Variants in ARL15 observed in about 807,000 individuals in gnomAD.
ARL15 encodes ADP-ribosylation factor-like protein 15.
Under a neutral mutation model 25.2 loss-of-function variants are expected in ARL15, and 19 were observed. The ratio of observed to expected loss-of-function variants is 0.75; its 90% CI spans 0.53 to 1.10. The LOEUF is 1.10. ARL15 is among the 50% of genes least tolerant of loss of function. The probability of loss-of-function intolerance (pLI) is 0.00; values close to 1 mark genes in which losing one functional copy is unlikely to be tolerated. For missense variants in ARL15, 220 were observed against 246.0 expected (o/e 0.89, Z 0.71); for synonymous variants, 94 against 86.8 (o/e 1.08, Z -0.46).
At chr5:54,089,139 C>T (rs1213508333) in intron 4 of ARL15, among the ~76,000 whole-genome samples, 1 of 152,176 alleles carries the variant, frequency 6.6e-6, no homozygotes, top group Non-Finnish European at 1.5e-5. Context: ...GCACCCCCCG[C>T]CTCAGGAAGC....
At chr5:54,073,579 A>G (rs1396877079) in intron 4 of ARL15, among the ~76,000 whole-genome samples, 1 of 152,216 alleles carries the variant, frequency 6.6e-6, no homozygotes, top group Non-Finnish European at 1.5e-5. Context: ...AAACAATATA[A>G]CACTCTGGGG....
intron 4 of ARL15, among the ~76,000 whole-genome samples, chr5:54,039,082 G>C (rs1379822942): frequency 6.6e-6 from 1 of 152,166 alleles, no homozygotes; most frequent in Non-Finnish European, 1.5e-5. Context: ...CAGCAATCAT[G>C]GTGACAGGGA....
intron 1 of ARL15, among the ~76,000 whole-genome samples, chr5:54,216,417 T>C (rs1003253584): frequency 7.2e-5 from 11 of 152,194 alleles, no homozygotes; most frequent in Admixed American, 3.3e-4. Flanking sequence ...CTGGCTTATA[T>C]TGTCTATCAG....
rs1325550885 is a variant in ARL15 at position 53,886,669 on chromosome 5, G to T, written c.507C>A (p.Arg169=). 11 of 1,575,818 alleles carry T rather than the reference G, an allele frequency of 7.0e-6. No homozygotes were observed. Among genetic ancestry groups the T allele is most frequent in the Non-Finnish European group, 8.6e-6 (10 of 1,159,594 alleles). ...FELEPLARGK[R]WILQPCSLDD... ...CCAGTGAGCAGGGCTGTAGAATCCA[G>T]CGTTTTCCACGTGCAAGTGGTTCAA... Residue 169 remains arginine, a synonymous_variant, in exon 5 of 5, where the codon CGC becomes CGA. Transcript: ENST00000504924.
At chr5:54,305,237 C>A (rs1353817586) in intron 1 of ARL15, among the ~76,000 whole-genome samples, 1 of 152,184 alleles carries the variant, frequency 6.6e-6, no homozygotes, top group Non-Finnish European at 1.5e-5. Flanking sequence ...CGGTGGCTCA[C>A]TCCTGTAATC....
At chr5:54,154,409 A>G in intron 3 of ARL15, 171 bp downstream of exon 3, 1 of 533,182 alleles carries the variant, frequency 1.9e-6, no homozygotes, top group Admixed American at 4.4e-5. Flanking sequence ...ACTCTTCAAC[A>G]ATTTTTAAAA....
intron 4 of ARL15, among the ~76,000 whole-genome samples, chr5:53,895,100 A>G (rs1744831661): frequency 1.3e-5 from 2 of 152,180 alleles, no homozygotes; most frequent in South Asian, 2.1e-4. Context: ...TATAGAAAAT[A>G]AAAAGTCAAC....
At chr5:54,137,281 C>T (rs1021975567) in intron 3 of ARL15, among the ~76,000 whole-genome samples, 4 of 152,158 alleles carry the variant, frequency 2.6e-5, no homozygotes, top group African/African-American at 9.6e-5. Flanking sequence ...CCCCTTGTGT[C>T]CTCCTCTGGT....
At chr5:53,892,037 C>G (rs1744731078) in intron 4 of ARL15, among the ~76,000 whole-genome samples, 1 of 152,150 alleles carries the variant, frequency 6.6e-6, no homozygotes, top group East Asian at 1.9e-4. Context: ...CCATAAAAGA[C>G]CGTTTAATAC....
At chr5:53,923,140 T>C (rs1406096313) in intron 4 of ARL15, among the ~76,000 whole-genome samples, 1 of 152,230 alleles carries the variant, frequency 6.6e-6, no homozygotes. Flanking sequence ...TTTTGGAGAA[T>C]GACTGCCTCT....
chr5:54,017,397 G>A (rs1406200723), intron 4 of ARL15, among the ~76,000 whole-genome samples: 1 of 152,026 alleles, frequency 6.6e-6, no homozygotes, highest in Non-Finnish European at 1.5e-5. Flanking sequence ...CATTGACACA[G>A]AGCTGTCTCA....
chr5:54,049,979 T>C (rs73112664), intron 4 of ARL15, among the ~76,000 whole-genome samples: 1,602 of 152,304 alleles, frequency 0.011, 32 homozygotes, highest in African/African-American at 0.036. Context: ...AGATCATTTA[T>C]TGGTGTGTTC....
chr5:54,000,425 T>C (rs936107848), intron 4 of ARL15, among the ~76,000 whole-genome samples: 21 of 152,088 alleles, frequency 1.4e-4, no homozygotes, highest in Non-Finnish European at 2.8e-4. Context: ...GAATAATCAG[T>C]GAAATTATAC....
At chr5:54,003,667 TCTATCTATCTA>T (rs1748921690) in intron 4 of ARL15, among the ~76,000 whole-genome samples, 5 of 5,848 alleles carry the variant, frequency 8.5e-4, no homozygotes, top group African/African-American at 5.7e-3. Flanking sequence ...TTTCTTTCTA[TCTATCTATCTA>T]TCTATCTATC....
At chr5:54,195,408 C>T (rs1481683033) in intron 1 of ARL15, among the ~76,000 whole-genome samples, 2 of 152,104 alleles carry the variant, frequency 1.3e-5, no homozygotes, top group Admixed American at 1.3e-4. Context: ...GCTACTACAA[C>T]AACTGAAGGC....
intron 1 of ARL15, among the ~76,000 whole-genome samples, chr5:54,221,837 A>G (rs1044744502): frequency 1.6e-4 from 21 of 135,386 alleles, no homozygotes; most frequent in African/African-American, 7.1e-4. Flanking sequence ...ACACACACAC[A>G]CACACACACA....
intron 4 of ARL15, among the ~76,000 whole-genome samples, chr5:54,051,142 A>G (rs1579740410): frequency 6.6e-6 from 1 of 152,332 alleles, no homozygotes; most frequent in Non-Finnish European, 1.5e-5. Context: ...ACATTTATTG[A>G]GCATCTCCTT....
intron 4 of ARL15, among the ~76,000 whole-genome samples, chr5:53,962,944 CT>C (rs1215517784): frequency 9.9e-5 from 15 of 152,020 alleles, no homozygotes; most frequent in African/African-American, 3.6e-4. Context: ...AGAGAAAATA[CT>C]TAACTCTCCA....
intron 3 of ARL15, among the ~76,000 whole-genome samples, chr5:54,148,665 T>C (rs1753979867): frequency 6.6e-6 from 1 of 152,142 alleles, no homozygotes; most frequent in Non-Finnish European, 1.5e-5. Context: ...TCAATGTCAA[T>C]TGCGAAGACA....
Sources: allele counts gnomAD v4.1 joint callset (sites outside exome capture counted in the v4.1 genomes callset), GRCh38; gene constraint gnomAD v4.1.1; transcripts MANE v1.5; gene names NCBI Gene and HGNC (gene_info 2026-07-23, HGNC 2026-07-21).